The following NFIA variants were observed in gnomAD, a reference collection of about 807,000 sequenced individuals.
The protein encoded by NFIA is nuclear factor I A, also known as nuclear factor 1 A-type.
In NFIA, 8 loss-of-function variants were observed where a neutral mutation model predicts 62.8. The ratio of observed to expected loss-of-function variants is 0.13; its 90% CI spans 0.07 to 0.23. NFIA has a LOEUF of 0.23. Ranked by LOEUF, NFIA falls within the 10% of genes least tolerant of loss-of-function variation. The probability of loss-of-function intolerance (pLI) is 1.00; values close to 1 mark genes in which losing one functional copy is unlikely to be tolerated. For synonymous variants in NFIA, 235 were observed against 238.1 expected (o/e 0.99, Z 0.12); for missense variants, 410 against 642.1 (o/e 0.64, Z 3.91).
At chr1:61,373,318 C>A (rs1181402330) in intron 6 of NFIA, among the ~76,000 whole-genome samples, 1 of 152,164 alleles carries the variant, frequency 6.6e-6, no homozygotes, top group Non-Finnish European at 1.5e-5. Context: ...TAGATTCTAG[C>A]TGACAGAACC....
At chr1:61,421,869 T>G (rs1666637179) in intron 9 of NFIA, among the ~76,000 whole-genome samples, 1 of 152,268 alleles carries the variant, frequency 6.6e-6, no homozygotes, top group Non-Finnish European at 1.5e-5. Flanking sequence ...GAACTAAACC[T>G]TGAAACTAAC....
chr1:61,455,172 C>A, intron 10 of NFIA, 131 bp from the exon 11 acceptor site: 1 of 819,818 alleles, frequency 1.2e-6, no homozygotes. Context: ...TCTGTCGTGC[C>A]TTTACTTTTC....
At chr1:61,194,114 C>A (rs12126115) in intron 2 of NFIA, among the ~76,000 whole-genome samples, 49,410 of 151,902 alleles carry the variant, frequency 0.33, 9,196 homozygotes, top group East Asian at 0.57. Flanking sequence ...TAGTGTCAGG[C>A]GGAGACCTAG....
intron 7 of NFIA, among the ~76,000 whole-genome samples, chr1:61,400,169 T>A (rs1391298803): frequency 6.6e-6 from 1 of 152,230 alleles, no homozygotes. Context: ...AATAAATAGC[T>A]GAGTATTACA....
intron 3 of NFIA, among the ~76,000 whole-genome samples, chr1:61,299,330 A>G (rs1355112189): frequency 3.9e-5 from 6 of 152,158 alleles, no homozygotes; most frequent in African/African-American, 1.4e-4. Flanking sequence ...TGAAGACTCA[A>G]GTGTTTGAAA....
chr1:61,262,210 T>TA (rs1488284832), intron 2 of NFIA, among the ~76,000 whole-genome samples: 1 of 152,164 alleles, frequency 6.6e-6, no homozygotes, highest in East Asian at 1.9e-4. Flanking sequence ...AAGATTTTTT[T>TA]ATGTGAAAAT....
At chr1:61,128,408 C>G (rs544543901) in intron 2 of NFIA, among the ~76,000 whole-genome samples, 1 of 152,190 alleles carries the variant, frequency 6.6e-6, no homozygotes, top group South Asian at 2.1e-4. Context: ...CCCAGGAGTT[C>G]AAGACCAGCC....
intron 2 of NFIA, among the ~76,000 whole-genome samples, chr1:61,272,607 C>G (rs1657580578): frequency 6.6e-6 from 1 of 152,092 alleles, no homozygotes; most frequent in African/African-American, 2.4e-5. Flanking sequence ...ACTTATCTTC[C>G]CAAACCCTCA....
intron 3 of NFIA, among the ~76,000 whole-genome samples, chr1:61,311,449 T>G (rs1281190643): frequency 6.6e-6 from 1 of 151,860 alleles, no homozygotes; most frequent in Non-Finnish European, 1.5e-5. Context: ...AAAAATAAGG[T>G]CAAGGTTTCT....
chr1:61,237,913 A>G (rs1241050027), intron 2 of NFIA, among the ~76,000 whole-genome samples: 1 of 152,170 alleles, frequency 6.6e-6, no homozygotes, highest in African/African-American at 2.4e-5. Flanking sequence ...ATCATTATTA[A>G]TCATTATTAT....
chr1:61,209,744 C>T (rs989171207), intron 2 of NFIA, among the ~76,000 whole-genome samples: 1 of 151,784 alleles, frequency 6.6e-6, no homozygotes, highest in African/African-American at 2.4e-5. Context: ...TCCAGCTACT[C>T]GGAAGGGTGA....
At chr1:61,289,212 G>A (rs917230293) in intron 3 of NFIA, among the ~76,000 whole-genome samples, 1 of 152,244 alleles carries the variant, frequency 6.6e-6, no homozygotes, top group African/African-American at 2.4e-5. Flanking sequence ...CCTGGAGGAA[G>A]TGTGGCCTTT....
chr1:61,082,608 C>T lies in NFIA; in HGVS notation c.-184C>T, dbSNP rs1296805524. On this transcript the variant is annotated 5_prime_UTR_variant, in exon 1 of 11. Coordinates refer to ENST00000403491, the MANE Select transcript of NFIA (RefSeq NM_001134673.4). ...AGCGGCAATAGCGCTGGCTGGCTGGCTGCAGTTGAGCCGACTTGGAAATGT... is the reference window on the plus strand; with the variant it reads ...AGCGGCAATAGCGCTGGCTGGCTGGTTGCAGTTGAGCCGACTTGGAAATGT... 3 of 1,494,522 alleles carry T rather than the reference C, an allele frequency of 2.0e-6. No homozygotes were observed. The highest frequency in any genetic ancestry group is 2.7e-6 in the Non-Finnish European group (3 of 1,117,748). The allele number at this position is 1,494,522 out of a possible 1,614,324, so 92.6% of individuals were successfully genotyped here. A position where few individuals can be genotyped will look rare whatever the true frequency, so the allele number is the denominator to read the frequency against.
At chr1:61,439,850 C>T (rs186140003) in intron 10 of NFIA, among the ~76,000 whole-genome samples, 1 of 152,224 alleles carries the variant, frequency 6.6e-6, no homozygotes, top group Non-Finnish European at 1.5e-5. Context: ...GACATAATGG[C>T]TGTTTTTAAA....
chr1:61,445,403 G>A (rs1291928501), intron 10 of NFIA, among the ~76,000 whole-genome samples: 1 of 152,074 alleles, frequency 6.6e-6, no homozygotes, highest in Non-Finnish European at 1.5e-5. Flanking sequence ...ATATTGCTTA[G>A]TTGTAAATTT....
At position 61,339,086 on chromosome 1, in the gene NFIA, C is replaced by G. The variant is rs183166095; in HGVS notation, c.700+6500C>G. On this transcript the variant is annotated intron_variant, in intron 4 of 10. Transcript: ENST00000403491. The stretch of plus-strand genomic sequence containing the variant: ...TTACACAATTCAATGGCAGTCTACT[C>G]AAACTATGTGCTCGATCAATATCCT... Among the ~76,000 whole-genome samples the G allele has an allele frequency of 4.6e-5, 7 of 152,314 alleles. No individual in the cohort carries two copies. In the East Asian group the frequency reaches 1.2e-3, roughly 25 times the overall value.
chr1:61,093,490 T>A (rs1646358089), intron 2 of NFIA, among the ~76,000 whole-genome samples: 1 of 152,238 alleles, frequency 6.6e-6, no homozygotes, highest in Admixed American at 6.5e-5. Flanking sequence ...TATTGATATA[T>A]GGCATATTTT....
chr1:61,226,039 T>C (rs1450154135), intron 2 of NFIA, among the ~76,000 whole-genome samples: 1 of 152,178 alleles, frequency 6.6e-6, no homozygotes, highest in East Asian at 1.9e-4. Flanking sequence ...TTTTTAGATA[T>C]CCAGTAAACT....
intron 2 of NFIA, among the ~76,000 whole-genome samples, chr1:61,267,099 C>T (rs760058040): frequency 1.3e-5 from 2 of 152,286 alleles, no homozygotes; most frequent in Non-Finnish European, 2.9e-5. Context: ...ATAGCTACTT[C>T]TGGTAGAACT....
Sources: allele counts gnomAD v4.1 joint callset (sites outside exome capture counted in the v4.1 genomes callset), GRCh38; gene constraint gnomAD v4.1.1; transcripts MANE v1.5; gene names NCBI Gene and HGNC (gene_info 2026-07-23, HGNC 2026-07-21).